The following NAPA variants were observed in gnomAD, a reference collection of about 807,000 sequenced individuals.
NAPA encodes alpha-soluble NSF attachment protein.
A neutral mutation model predicts 48.0 loss-of-function variants in NAPA; 18 were observed. That is an observed-to-expected ratio of 0.38 (90% CI 0.26 to 0.56). The LOEUF (loss-of-function observed/expected upper bound fraction) is 0.56. Among genes scored for constraint, NAPA ranks in the 20% least tolerant of loss-of-function variants. The probability of loss-of-function intolerance (pLI) is 0.77; values close to 1 mark genes in which losing one functional copy is unlikely to be tolerated. For synonymous variants in NAPA, 152 were observed against 149.9 expected (o/e 1.01, Z -0.10); for missense variants, 315 against 385.0 (o/e 0.82, Z 1.52).
At chr19:47,497,021 G>A in intron 3 of NAPA, 1 of 312,538 alleles carries the variant, frequency 3.2e-6, no homozygotes, top group Non-Finnish European at 6.6e-6. Context: ...AGGAGGAAGG[G>A]GAGAGAACAC....
At position 47,506,340 on chromosome 19, in the gene NAPA, A is replaced by C. The variant is rs1183358750; in HGVS notation, c.99-2838T>G. Among the ~76,000 whole-genome samples the C allele has an allele frequency of 6.6e-6, 1 of 152,120 alleles. No individual in the cohort carries two copies. Among genetic ancestry groups the C allele is most frequent in the Non-Finnish European group, 1.5e-5 (1 of 68,024 alleles). On this transcript the variant is annotated intron_variant, in intron 1 of 10. Coordinates refer to ENST00000263354, the MANE Select transcript of NAPA (RefSeq NM_003827.4). This position sits in a 1 kb window ranked among gnomAD's most constrained non-coding sequence, Gnocchi z 4.0. ...AACCCATTCCTGGCCTTGGAGAGGT[A>C]AGAAACTTTCAAAACCTTCTGGCTG...
At chr19:47,509,298 A>C (rs1968756068) in intron 1 of NAPA, among the ~76,000 whole-genome samples, 1 of 20,220 alleles carries the variant, frequency 4.9e-5, no homozygotes, top group Non-Finnish European at 3.2e-4. Flanking sequence ...TAAAAATAAA[A>C]TAAAATAAAA....
chr19:47,508,426 C>T (rs1313754548), intron 1 of NAPA, among the ~76,000 whole-genome samples: 1 of 152,238 alleles, frequency 6.6e-6, no homozygotes, highest in East Asian at 1.9e-4. Flanking sequence ...TCCTGCAGGG[C>T]GGGGCCTGAG....
intron 8 of NAPA, 94 bp from the exon 9 acceptor site, chr19:47,490,950 A>G: frequency 9.1e-7 from 1 of 1,099,994 alleles, no homozygotes. Context: ...ATGTCGGGTG[A>G]TATTGAGTCA....
chr19:47,496,858 G>A, intron 3 of NAPA: 1 of 456,244 alleles, frequency 2.2e-6, no homozygotes, highest in Non-Finnish European at 4.4e-6. Context: ...CTCCTCTGGG[G>A]AGTGGGGTCT....
chr19:47,512,494 C>T (rs1004529111), intron 1 of NAPA, among the ~76,000 whole-genome samples: 1 of 152,142 alleles, frequency 6.6e-6, no homozygotes, highest in African/African-American at 2.4e-5. Flanking sequence ...TGCCTTGGGG[C>T]TGACTTAGCT....
chr19:47,511,590 T>A (rs1234029064), intron 1 of NAPA, among the ~76,000 whole-genome samples: 1 of 152,208 alleles, frequency 6.6e-6, no homozygotes, highest in Non-Finnish European at 1.5e-5. Context: ...TCATGAACCT[T>A]GAGGAGAAAC....
At position 47,493,382 on chromosome 19, in the gene NAPA, C is replaced by T. The variant is rs1266509176; in HGVS notation, c.420+34G>A. On this transcript the variant is annotated intron_variant, in intron 5 of 10. Transcript: ENST00000263354. The surrounding 1 kb of genome is among the most constrained non-coding windows in gnomAD (Gnocchi z 6.4). Reference sequence around the variant, plus strand: ...GAAGAGAGAGCAGCACTGGTCCTGGCTGCCAGCCCATGCAGGGCCCTGCTG... The same window carrying T: ...GAAGAGAGAGCAGCACTGGTCCTGGTTGCCAGCCCATGCAGGGCCCTGCTG... The T allele has an allele frequency of 6.2e-7, 1 of 1,608,458 alleles. No individual in the cohort carries two copies. Among genetic ancestry groups the T allele is most frequent in the South Asian group, 1.1e-5 (1 of 90,956 alleles).
rs946370415 is a variant in NAPA at position 47,493,867 on chromosome 19, C to T, written c.343-374G>A. Among the ~76,000 whole-genome samples the T allele has an allele frequency of 6.6e-6, 1 of 152,176 alleles. No individual in the cohort carries two copies. Among genetic ancestry groups the T allele is most frequent in the African/African-American group, 2.4e-5 (1 of 41,438 alleles). Reference sequence around the variant, plus strand: ...ATAACAGCCAGAGAGGCGGAAGGACCAGTCCAGAGCCACTTGGCAAAGGGC... The same window carrying T: ...ATAACAGCCAGAGAGGCGGAAGGACTAGTCCAGAGCCACTTGGCAAAGGGC... On this transcript the variant is annotated intron_variant, in intron 4 of 10. Coordinates refer to ENST00000263354, the MANE Select transcript of NAPA (RefSeq NM_003827.4). This position sits in a 1 kb window ranked among gnomAD's most constrained non-coding sequence, Gnocchi z 6.4.
At chr19:47,490,333 ATG>A (rs1246344396) in intron 9 of NAPA, among the ~76,000 whole-genome samples, 1 of 114,010 alleles carries the variant, frequency 8.8e-6, no homozygotes, top group Non-Finnish European at 1.8e-5. Context: ...TGTGTGCGAT[ATG>A]TGTGGTGTGT....
At chr19:47,484,785 A>G (rs1192981159), downstream of NAPA, among the ~76,000 whole-genome samples, 1 of 149,674 alleles carries the variant, frequency 6.7e-6, no homozygotes, top group African/African-American at 2.5e-5. Context: ...GCTCACTGCA[A>G]CCTCTGCCTC....
At chr19:47,495,668 C>A in intron 3 of NAPA, 72 bp from the exon 4 acceptor site, 3 of 1,447,642 alleles carry the variant, frequency 2.1e-6, no homozygotes, top group South Asian at 1.1e-5. Context: ...GGAGAGGAGG[C>A]GGACGCAGGC....
chr19:47,503,388 A>T (rs1968624420), intron 2 of NAPA, 35 bp downstream of exon 2: 1 of 1,587,380 alleles, frequency 6.3e-7, no homozygotes, highest in African/African-American at 1.3e-5. Context: ...GGAGGAGGAG[A>T]GCACCTTGGA....
Position 47,492,000 on chromosome 19 carries a change from C to T in NAPA, c.666+15G>A, listed in dbSNP as rs374883192. ...TGGCCTGGTGCGGTGGTCCTGCGGG[C>T]GTGGGGTGTGCTACCTTGGCGTTGA... On this transcript the variant is annotated intron_variant, in intron 8 of 10. Coordinates refer to ENST00000263354, the MANE Select transcript of NAPA (RefSeq NM_003827.4). 39 of 1,609,390 alleles carry T rather than the reference C, an allele frequency of 2.4e-5. No homozygotes were observed. Among genetic ancestry groups the T allele is most frequent in the Middle Eastern group, 1.6e-4 (1 of 6,072 alleles).
rs1310276434 is a variant in NAPA, at chr19:47,506,188, G to A, written c.99-2686C>T. 6.6e-6 allele frequency among the ~76,000 whole-genome samples: 1 copy of A among 151,958 alleles called. No individual in the cohort carries two copies. Among genetic ancestry groups the A allele is most frequent in the Non-Finnish European group, 1.5e-5 (1 of 67,996 alleles). ...AATTTTTGTATTATTAGTAGAGACA[G>A]GGTTTCACCACGTTGGCCAGGCTGG... On this transcript the variant is annotated intron_variant, in intron 1 of 10. Transcript: ENST00000263354. The surrounding 1 kb of genome is among the most constrained non-coding windows in gnomAD (Gnocchi z 4.0).
At chr19:47,500,783 G>C (rs1490535289) in intron 2 of NAPA, 34 bp from the exon 3 acceptor site, 1 of 1,512,798 alleles carries the variant, frequency 6.6e-7, no homozygotes, top group Non-Finnish European at 9.0e-7. Context: ...CCTGGCCTCA[G>C]TGGGGCTCCA....
rs1239248208 is a variant in NAPA at position 47,493,067 on chromosome 19, G to A, written c.477-22C>T. 5 of 1,614,016 alleles carry A rather than the reference G, an allele frequency of 3.1e-6. No individual in the cohort carries two copies. Among genetic ancestry groups the A allele is most frequent in the South Asian group, 2.2e-5 (2 of 91,092 alleles). ...TGAGCTGTGTGGGGAGGAGTAGTGA[G>A]GGGAAGTGGTGGCGGTCCCTGCGGG... On this transcript the variant is annotated intron_variant, in intron 6 of 10. Transcript: ENST00000263354. This position sits in a 1 kb window ranked among gnomAD's most constrained non-coding sequence, Gnocchi z 6.4.
intron 3 of NAPA, among the ~76,000 whole-genome samples, chr19:47,499,101 A>G (rs1249666282): frequency 6.6e-6 from 1 of 152,212 alleles, no homozygotes; most frequent in African/African-American, 2.4e-5. Context: ...GGGAGGGGCC[A>G]CATCCAGACT....
At chr19:47,503,596 C>A in intron 1 of NAPA, 94 bp from the exon 2 acceptor site, 1 of 1,164,290 alleles carries the variant, frequency 8.6e-7, no homozygotes, top group Non-Finnish European at 1.3e-6. Context: ...AGACGTGCCC[C>A]TACCCCTCAC....
Sources: gnomAD v4.1 joint callset for allele counts (sites outside exome capture counted in the v4.1 genomes callset) on GRCh38, gnomAD v4.1.1 for gene constraint, Gnocchi (gnomAD v3.1) non-coding constraint, MANE v1.5 for transcripts, NCBI Gene and HGNC (gene_info 2026-07-23, HGNC 2026-07-21) for gene names.